Variants in SPRED2 observed in about 807,000 individuals in gnomAD.
SPRED2 encodes the protein sprouty related EVH1 domain containing 2.
Under a neutral mutation model 43.0 loss-of-function variants are expected in SPRED2, and 47 were observed. The observed-to-expected ratio is 1.09, with a 90% CI of 0.87 to 1.40. SPRED2 has a LOEUF of 1.40. Among genes scored for constraint, SPRED2 ranks in the 40% most tolerant of loss-of-function variants. The probability of loss-of-function intolerance (pLI) is 0.00; values close to 1 mark genes in which losing one functional copy is unlikely to be tolerated. For synonymous variants in SPRED2, 225 were observed against 225.7 expected (o/e 1.00, Z 0.03); for missense variants, 561 against 586.4 (o/e 0.96, Z 0.45).
At position 65,363,000 on chromosome 2, in the gene SPRED2, G is replaced by GTTTTTTTTTTTT. The variant is rs759784526; in HGVS notation, c.27-18105_27-18104insAAAAAAAAAAAA. 3.1e-4 allele frequency among the ~76,000 whole-genome samples: 21 copies of GTTTTTTTTTTTT among 66,942 alleles called. 3 individuals carry two copies. Among genetic ancestry groups the GTTTTTTTTTTTT allele is most frequent in the African/African-American group, 1.5e-3 (21 of 14,274 alleles). 43.9% of individuals were successfully genotyped at this position (66,942 alleles called of 152,430 possible). A position where few individuals can be genotyped will look rare whatever the true frequency, so the allele number is the denominator to read the frequency against. Reference sequence around the variant, plus strand: ...CACTTGCTTTCTCTATGGTCATCATGTTTTGTTTTTTTTTTTTTTTTTTTT... The same window carrying GTTTTTTTTTTTT: ...CACTTGCTTTCTCTATGGTCATCATGTTTTTTTTTTTTTTTTGTTTTTTTTTTTTTTTTTTTT... On this transcript the variant is annotated intron_variant, in intron 1 of 5. Transcript: ENST00000356388.
chr2:65,313,994 G>T lies in SPRED2; in HGVS notation c.764C>A (p.Ala255Asp), dbSNP rs370950228. Residue 255 changes from alanine to aspartate, a missense_variant, in exon 6 of 6, where the codon GCC becomes GAC. Around this residue, in one of 6 missense-constraint regions of SPRED2, gnomAD observed 164 missense variants for 164.1 expected, o/e 1.00. Coordinates refer to ENST00000356388, the MANE Select transcript of SPRED2 (RefSeq NM_181784.3). ...GTCATGCTTGGGGACCTCGCCCTTG[G>T]CGAAGCGCACGTAGGAGGAGTCCGC... Reference protein sequence around the residue: ...EDADSSYVRFAKGEVPKHDYN... With the variant: ...EDADSSYVRFDKGEVPKHDYN... 3.7e-6 allele frequency: 6 copies of T among 1,613,576 alleles called. No individual in the cohort carries two copies. The highest frequency in any genetic ancestry group is 5.1e-6 in the Non-Finnish European group (6 of 1,180,026).
At chr2:65,351,827 C>T (rs1230805777) in intron 1 of SPRED2, among the ~76,000 whole-genome samples, 3 of 152,058 alleles carry the variant, frequency 2.0e-5, no homozygotes, top group East Asian at 1.9e-4. Context: ...TTTGTTAAGT[C>T]GGGTGGTGGT....
At chr2:65,394,010 T>C (rs1418414733) in intron 1 of SPRED2, among the ~76,000 whole-genome samples, 1 of 152,120 alleles carries the variant, frequency 6.6e-6, no homozygotes, top group South Asian at 2.1e-4. Flanking sequence ...GCAAAAAATG[T>C]TATGAGGAGT....
chr2:65,351,392 A>C (rs1674506985), intron 1 of SPRED2, among the ~76,000 whole-genome samples: 1 of 152,092 alleles, frequency 6.6e-6, no homozygotes, highest in South Asian at 2.1e-4. Context: ...AATACTTCCT[A>C]CAGCCAGCCC....
Position 65,378,662 on chromosome 2 carries a change from A to G in SPRED2, c.27-33766T>C, listed in dbSNP as rs547931146. Reference sequence around the variant, plus strand: ...TTGTGTCCTGTGTGATCCTCAGATGATAAGAGTTGGTGACCGCACAAAAGT... The same window carrying G: ...TTGTGTCCTGTGTGATCCTCAGATGGTAAGAGTTGGTGACCGCACAAAAGT... On this transcript the variant is annotated intron_variant, in intron 1 of 5. Transcript: ENST00000356388. Among the ~76,000 whole-genome samples the G allele has an allele frequency of 2.9e-4, 44 of 152,340 alleles. No individual in the cohort carries two copies. In the South Asian group the frequency reaches 3.5e-3, roughly 12 times the overall value.
intron 1 of SPRED2, among the ~76,000 whole-genome samples, chr2:65,425,276 T>G (rs1205257958): frequency 6.6e-6 from 1 of 152,162 alleles, no homozygotes; most frequent in Non-Finnish European, 1.5e-5. Context: ...AACCATACAT[T>G]TTAGAAGCTC....
At chr2:65,411,856 C>T (rs376726484) in intron 1 of SPRED2, among the ~76,000 whole-genome samples, 7 of 152,058 alleles carry the variant, frequency 4.6e-5, no homozygotes, top group South Asian at 2.1e-4. Context: ...AGACCAGGCG[C>T]GGTGGCTCAC....
At chr2:65,363,355 A>G (rs1229055817) in intron 1 of SPRED2, among the ~76,000 whole-genome samples, 3 of 152,142 alleles carry the variant, frequency 2.0e-5, no homozygotes, top group Non-Finnish European at 4.4e-5. Flanking sequence ...GTCAGCAAAC[A>G]TGTACCCGGA....
In SPRED2 at chr2:65,312,044, T is replaced by C. The variant is rs1673085149; in HGVS notation, c.*1457A>G. 5 of 985,280 alleles carry C rather than the reference T, an allele frequency of 5.1e-6. No homozygotes were observed. The highest frequency in any genetic ancestry group is 9.4e-5 in the South Asian group (2 of 21,284). 61.0% of individuals were successfully genotyped at this position (985,280 alleles called of 1,614,324 possible). On this transcript the variant is annotated 3_prime_UTR_variant, in exon 6 of 6. Coordinates refer to ENST00000356388, the MANE Select transcript of SPRED2 (RefSeq NM_181784.3). ...GTCCCCGGTGGTCTCCACGAGGTTC[T>C]GATTGTACTATGCTAGGTATAGGTA... is the stretch of plus-strand genomic sequence containing the variant.
intron 1 of SPRED2, among the ~76,000 whole-genome samples, chr2:65,412,578 G>C (rs747438194): frequency 2.4e-4 from 36 of 152,126 alleles, no homozygotes; most frequent in Non-Finnish European, 4.0e-4. Context: ...TTTAAGAGTG[G>C]ATTTGCATCC....
intron 1 of SPRED2, among the ~76,000 whole-genome samples, chr2:65,360,430 C>A (rs147333329): frequency 3.8e-4 from 58 of 152,358 alleles, no homozygotes; most frequent in African/African-American, 1.4e-3. Flanking sequence ...TGTGTGTTCG[C>A]ATATAGCGAA....
intron 1 of SPRED2, among the ~76,000 whole-genome samples, chr2:65,374,731 T>G (rs1221630594): frequency 1.3e-5 from 2 of 152,168 alleles, no homozygotes; most frequent in African/African-American, 4.8e-5. Context: ...AATAGGCCAG[T>G]GAAGGTGAGT....
At position 65,432,124 on chromosome 2, in the gene SPRED2, G is replaced by A. The variant is rs1043579852; in HGVS notation, c.-137C>T. The A allele has an allele frequency of 8.9e-6, 10 of 1,124,256 alleles. No homozygotes were observed. Among genetic ancestry groups the A allele is most frequent in the African/African-American group, 1.5e-5 (1 of 65,208 alleles). The allele number at this position is 1,124,256 out of a possible 1,614,324, so 69.6% of individuals were successfully genotyped here. On this transcript the variant is annotated 5_prime_UTR_variant, in exon 1 of 6. Transcript: ENST00000356388. ...GGGGGCGGCTAGAGATGAAGAGGGC[G>A]CCGCAGCAGAAGGGGAAGCAGGGCG... is the stretch of plus-strand genomic sequence containing the variant.
intron 1 of SPRED2, among the ~76,000 whole-genome samples, chr2:65,349,964 GA>G (rs1214130194): frequency 6.6e-6 from 1 of 152,216 alleles, no homozygotes; most frequent in Non-Finnish European, 1.5e-5. Context: ...AAGGCAGGGG[GA>G]TAAAGTGCTG....
intron 1 of SPRED2, among the ~76,000 whole-genome samples, chr2:65,401,935 GCGCACACA>G (rs1230079686): frequency 0.019 from 1,682 of 89,370 alleles, 42 homozygotes; most frequent in African/African-American, 0.057. Flanking sequence ...TAGCGCGCGC[GCGCACACA>G]CACACACACA....
intron 1 of SPRED2, among the ~76,000 whole-genome samples, chr2:65,380,223 A>T (rs1351939291): frequency 1.3e-5 from 2 of 152,306 alleles, no homozygotes; most frequent in South Asian, 2.1e-4. Flanking sequence ...TCCCATTTGT[A>T]GCTATGCAAG....
At chr2:65,307,955 C>T (rs973887698), downstream of SPRED2, among the ~76,000 whole-genome samples, 3 of 152,294 alleles carry the variant, frequency 2.0e-5, 1 homozygote, top group South Asian at 6.2e-4. Context: ...CCCCCGCCCC[C>T]CCCATTCACA....
chr2:65,363,956 A>T (rs1674896748), intron 1 of SPRED2, among the ~76,000 whole-genome samples: 1 of 152,184 alleles, frequency 6.6e-6, no homozygotes, highest in Admixed American at 6.5e-5. Context: ...TTCAGGATTC[A>T]AATGCTCTCC....
chr2:65,332,441 G>C (rs1038506444), intron 3 of SPRED2: 1 of 161,278 alleles, frequency 6.2e-6, no homozygotes, highest in Non-Finnish European at 1.4e-5. Flanking sequence ...ACTGGACGGG[G>C]AACCCCTAAG....
Sources: allele counts gnomAD v4.1 joint callset (sites outside exome capture counted in the v4.1 genomes callset), GRCh38; gene constraint gnomAD v4.1.1; regional missense constraint gnomAD v4.1.1; transcripts MANE v1.5; gene names NCBI Gene and HGNC (gene_info 2026-07-23, HGNC 2026-07-21).